FAM3C: variants seen among roughly 807,000 people sequenced by gnomAD.
FAM3C encodes FAM3 metabolism regulating signaling molecule C, also known as protein FAM3C.
A neutral mutation model predicts 32.5 loss-of-function variants in FAM3C; 15 were observed. The ratio of observed to expected loss-of-function variants is 0.46; its 90% CI spans 0.31 to 0.71. FAM3C has a LOEUF of 0.71. Ranked by LOEUF, FAM3C falls within the 30% of genes least tolerant of loss-of-function variation. The probability of loss-of-function intolerance (pLI) is 0.05; values close to 1 mark genes in which losing one functional copy is unlikely to be tolerated. For synonymous variants in FAM3C, 75 were observed against 86.1 expected, an observed-to-expected ratio of 0.87 and a Z score of 0.72; for missense variants, 175 against 274.4, an observed-to-expected ratio of 0.64 and a Z score of 2.56.
intron 1 of FAM3C, among the ~76,000 whole-genome samples, chr7:121,395,917 G>A (rs1311009482): frequency 1.3e-5 from 2 of 151,524 alleles, no homozygotes; most frequent in East Asian, 3.9e-4. Flanking sequence ...GCGGAGCCCG[G>A]GGATGCCCAC....
chr7:121,350,878 A>G (rs1793689624), intron 9 of FAM3C, among the ~76,000 whole-genome samples: 1 of 152,202 alleles, frequency 6.6e-6, no homozygotes, highest in Non-Finnish European at 1.5e-5. Context: ...CTTAATAACT[A>G]AAGCTTCCGA....
At chr7:121,372,898 TTG>T (rs1794175833) in intron 3 of FAM3C, among the ~76,000 whole-genome samples, 1 of 152,194 alleles carries the variant, frequency 6.6e-6, no homozygotes, top group Non-Finnish European at 1.5e-5. Flanking sequence ...TTTTAGATAA[TTG>T]TGAACTTCCT....
At chr7:121,378,819 T>C in intron 3 of FAM3C, 91 bp downstream of exon 3, 1 of 588,354 alleles carries the variant, frequency 1.7e-6, no homozygotes, top group Non-Finnish European at 3.0e-6. Context: ...ACATTTCGTT[T>C]TCTAGCACTG....
intron 1 of FAM3C, among the ~76,000 whole-genome samples, chr7:121,395,689 C>T (rs1794676319): frequency 6.6e-6 from 1 of 152,130 alleles, no homozygotes; most frequent in Non-Finnish European, 1.5e-5. Flanking sequence ...CCAAAAGTAC[C>T]TCTAGTATAG....
In FAM3C at chr7:121,353,968, A is replaced by C. The variant is rs142947252; in HGVS notation, c.468-2699T>G. ...ACGTCTAACACATAGCCCTGTGTAT[A>C]TCTAACTACAGTTTTATAACAAGAT... On this transcript the variant is annotated intron_variant, in intron 8 of 9. Coordinates refer to ENST00000359943, the MANE Select transcript of FAM3C (RefSeq NM_014888.3). Among the ~76,000 whole-genome samples, 1,336 of 152,332 alleles carry C rather than the reference A, an allele frequency of 8.8e-3. 27 individuals carry two copies. Among genetic ancestry groups the C allele is most frequent in the African/African-American group, 0.03 (1,246 of 41,568 alleles).
At chr7:121,378,342 T>C (rs1794280802) in intron 3 of FAM3C, among the ~76,000 whole-genome samples, 2 of 151,836 alleles carry the variant, frequency 1.3e-5, no homozygotes, top group Non-Finnish European at 2.9e-5. Context: ...TTTTAAGAGA[T>C]GAGGTTTTAC....
At chr7:121,351,890 A>G (rs1793713027) in intron 8 of FAM3C, among the ~76,000 whole-genome samples, 1 of 152,212 alleles carries the variant, frequency 6.6e-6, no homozygotes, top group Non-Finnish European at 1.5e-5. Context: ...CCACCAGGGA[A>G]ACTACTAATT....
chr7:121,363,590 T>C (rs1487570421), intron 6 of FAM3C, among the ~76,000 whole-genome samples: 1 of 152,138 alleles, frequency 6.6e-6, no homozygotes, highest in Non-Finnish European at 1.5e-5. Flanking sequence ...GGAATACTTA[T>C]TGTACCAGAA....
chr7:121,392,848 T>C (rs1006316876), intron 1 of FAM3C, among the ~76,000 whole-genome samples: 1 of 152,102 alleles, frequency 6.6e-6, no homozygotes, highest in Non-Finnish European at 1.5e-5. Flanking sequence ...GAATGGAATA[T>C]AGAATGGAAT....
chr7:121,362,924 T>C lies in FAM3C; in HGVS notation c.355A>G (p.Thr119Ala), dbSNP rs1327733947. Residue 119 changes from threonine to alanine, a missense_variant, in exon 7 of 10, where the codon ACT becomes GCT. Transcript: ENST00000359943. ...CCTCCCCACATGTCAAAATATTTAG[T>C]GTCTAATACTTCTCCTGTTTTTCCT... Reference protein sequence around the residue: ...ANGKTGEVLDTKYFDMWGGDV... With the variant: ...ANGKTGEVLDAKYFDMWGGDV... 9 of 1,537,848 alleles carry C rather than the reference T, an allele frequency of 5.9e-6. No individual in the cohort carries two copies. Among genetic ancestry groups the C allele is most frequent in the Admixed American group, 5.2e-5 (3 of 57,464 alleles).
At chr7:121,352,200 T>C (rs1436134412) in intron 8 of FAM3C, among the ~76,000 whole-genome samples, 2 of 152,334 alleles carry the variant, frequency 1.3e-5, no homozygotes, top group East Asian at 3.9e-4. Context: ...ACTTATTCAT[T>C]CTACAGTGTT....
At chr7:121,384,196 G>A (rs1794418711) in intron 1 of FAM3C, among the ~76,000 whole-genome samples, 1 of 152,088 alleles carries the variant, frequency 6.6e-6, no homozygotes, top group South Asian at 2.1e-4. Context: ...CACTTAAACT[G>A]AGTTGTGTGT....
intron 1 of FAM3C, among the ~76,000 whole-genome samples, chr7:121,389,883 G>A (rs560650797): frequency 1.3e-5 from 2 of 152,228 alleles, no homozygotes; most frequent in South Asian, 4.1e-4. Context: ...TCTGAACTGA[G>A]CCAGCAACAT....
At chr7:121,355,577 T>C (rs1308634410) in intron 8 of FAM3C, among the ~76,000 whole-genome samples, 1 of 152,176 alleles carries the variant, frequency 6.6e-6, no homozygotes, top group Non-Finnish European at 1.5e-5. Flanking sequence ...CTATTTCAGC[T>C]TTTGAAGAGG....
At chr7:121,354,046 T>G (rs997782) in intron 8 of FAM3C, among the ~76,000 whole-genome samples, 38,863 of 152,092 alleles carry the variant, frequency 0.26, 5,954 homozygotes, top group African/African-American at 0.44. Flanking sequence ...AGAATTTGGT[T>G]GATTATTTTA....
chr7:121,390,020 G>A (rs1301403116), intron 1 of FAM3C, among the ~76,000 whole-genome samples: 3 of 152,132 alleles, frequency 2.0e-5, no homozygotes, highest in African/African-American at 7.2e-5. Flanking sequence ...ACAAATAGAT[G>A]TCAACTAAGG....
intron 7 of FAM3C, among the ~76,000 whole-genome samples, chr7:121,362,314 G>A (rs1019846095): frequency 2.6e-5 from 4 of 152,222 alleles, no homozygotes; most frequent in African/African-American, 7.2e-5. Context: ...TCTGTGGATT[G>A]CTTTACAAGA....
rs371899470 is a variant in FAM3C at position 121,350,538 on chromosome 7, T to C, written c.607A>G (p.Asn203Asp). The change falls in exon 10 of 10, where the codon AAT becomes GAT. Residue 203 changes from asparagine (N) to aspartate (D), a missense_variant. Physicochemically the swap from Asn to Asp is conservative, Grantham distance 23. Coordinates refer to ENST00000359943, the MANE Select transcript of FAM3C (RefSeq NM_014888.3). ...CCTTCATATTTGTTTGTATCCTTAT[T>C]GTTCTTTATGTGCTATTGGAACACA... ...KSPFEQHIKN[N>D]KDTNKYEGWP... The C allele has an allele frequency of 2.2e-5, 36 of 1,612,950 alleles. No homozygotes were observed. The African/African-American group carries it at 3.7e-4, about 17-fold the overall frequency.
chr7:121,380,190 T>C (rs1794320546), intron 2 of FAM3C: 1 of 152,138 alleles, frequency 6.6e-6, no homozygotes, highest in Non-Finnish European at 1.5e-5. Context: ...AAAAATTACA[T>C]GTCACATGAT....
Sources: allele counts gnomAD v4.1 joint callset (sites outside exome capture counted in the v4.1 genomes callset), GRCh38; gene constraint gnomAD v4.1.1; transcripts MANE v1.5; gene names NCBI Gene and HGNC (gene_info 2026-07-23, HGNC 2026-07-21).